The following TBCE variants were observed in gnomAD, a reference collection of about 807,000 sequenced individuals.
TBCE encodes the protein tubulin folding cofactor E, also known as tubulin-specific chaperone E.
Under a neutral mutation model 77.0 loss-of-function variants are expected in TBCE, and 53 were observed. That is an observed-to-expected ratio of 0.69 (90% CI 0.55 to 0.87). The LOEUF is 0.87. Ranked by LOEUF, TBCE falls within the 40% of genes least tolerant of loss-of-function variation. TBCE has a pLI of 0.00. For missense variants in TBCE, 624 were observed against 622.4 expected, an observed-to-expected ratio of 1.00 and a Z score of -0.03; for synonymous variants, 235 against 241.3, an observed-to-expected ratio of 0.97 and a Z score of 0.24.
intron 13 of TBCE, chr1:235,441,107 G>T (rs893339833): frequency 1.3e-5 from 2 of 152,720 alleles, no homozygotes; most frequent in Non-Finnish European, 2.9e-5. Flanking sequence ...TAAATCACTC[G>T]GGGGTGGGCA....
Position 235,438,552 on chromosome 1 carries a change from T to TAA in TBCE, c.1117-207_1117-206dup, listed in dbSNP as rs10667524. On this transcript the variant is annotated intron_variant, in intron 12 of 16. Transcript: ENST00000642610. ...GACACAGCGAGACTCCATCTCAAAT[T>TAA]AAAAAAAAAAAGAGTGTAAAACTGA... Among the ~76,000 whole-genome samples, 375 of 145,852 alleles carry TAA rather than the reference T, an allele frequency of 2.6e-3. 1 individual carries two copies. Among genetic ancestry groups the TAA allele is most frequent in the African/African-American group, 3.6e-3 (144 of 39,520 alleles).
intron 2 of TBCE, 39 bp from the exon 3 acceptor site, chr1:235,401,461 TATC>T (rs766289792): frequency 6.5e-7 from 1 of 1,543,958 alleles, no homozygotes; most frequent in East Asian, 2.2e-5. Flanking sequence ...GCATTGCCTG[TATC>T]ATCATCTGTT....
intron 8 of TBCE, 83 bp from the exon 9 acceptor site, chr1:235,435,662 C>T (rs1309808301): frequency 1.5e-6 from 2 of 1,356,578 alleles, no homozygotes. Context: ...CTCCATCGCA[C>T]CAAATGCAGG....
intron 11 of TBCE, 58 bp from the exon 12 acceptor site, chr1:235,437,261 ACTT>A (rs1681522395): frequency 6.2e-7 from 1 of 1,610,684 alleles, no homozygotes; most frequent in African/African-American, 1.3e-5. Flanking sequence ...GCTGGTTCAA[ACTT>A]CTGCAAAAGT....
At chr1:235,383,944 G>A (rs910776808) in intron 2 of TBCE, among the ~76,000 whole-genome samples, 1 of 152,116 alleles carries the variant, frequency 6.6e-6, no homozygotes, top group African/African-American at 2.4e-5. Flanking sequence ...TATGATATTG[G>A]CTGTGGGTTT....
rs1303866568 is a variant in TBCE at position 235,367,435 on chromosome 1, C to T, written c.-101C>T. On this transcript the variant is annotated 5_prime_UTR_variant, in exon 1 of 17. Transcript: ENST00000642610. ...TTCCTACAGCACTTCCGGCCAGAGC[C>T]TCAAGCTTCGCTGCTGGGCAGTTGG... 6.5e-6 allele frequency: 1 copy of T among 152,758 alleles called. No homozygotes were observed. The highest frequency in any genetic ancestry group is 1.5e-5 in the Non-Finnish European group (1 of 68,120). The allele number at this position is 152,758 out of a possible 1,614,324, so 9.5% of individuals were successfully genotyped here. A position where few individuals can be genotyped will look rare whatever the true frequency, so the allele number is the denominator to read the frequency against.
chr1:235,369,970 C>T (rs1377442170), intron 1 of TBCE, among the ~76,000 whole-genome samples: 1 of 152,160 alleles, frequency 6.6e-6, no homozygotes, highest in Non-Finnish European at 1.5e-5. Flanking sequence ...CAAGCGCATC[C>T]TAGCCTCAGG....
chr1:235,404,038 G>A (rs1201312535), intron 3 of TBCE, among the ~76,000 whole-genome samples: 3 of 152,174 alleles, frequency 2.0e-5, no homozygotes, highest in Non-Finnish European at 4.4e-5. Context: ...CAGCACTTTG[G>A]GAGGCCAAGG....
intron 4 of TBCE, among the ~76,000 whole-genome samples, chr1:235,416,399 G>C (rs1307605865): frequency 6.6e-6 from 1 of 151,858 alleles, no homozygotes; most frequent in Non-Finnish European, 1.5e-5. Flanking sequence ...AGTGGTGCGT[G>C]CCTATAGTCC....
intron 2 of TBCE, among the ~76,000 whole-genome samples, chr1:235,380,695 G>T (rs987125918): frequency 6.6e-6 from 1 of 151,678 alleles, no homozygotes; most frequent in Admixed American, 6.6e-5. Flanking sequence ...TTGTTTAATT[G>T]TTCCCCATTT....
In TBCE at chr1:235,371,729, A is replaced by G. The variant is rs1412221786; in HGVS notation, c.-32+4225A>G. Among the ~76,000 whole-genome samples the G allele has an allele frequency of 9.0e-5, 13 of 144,280 alleles. No homozygotes were observed. In the East Asian group the frequency reaches 2.8e-3, roughly 31 times the overall value. 94.7% of individuals were successfully genotyped at this position (144,280 alleles called of 152,430 possible). On this transcript the variant is annotated intron_variant, in intron 1 of 16. Transcript: ENST00000642610. ...CTCTTGTCACCCAGGCTGGAGTGCA[A>G]TGGCACGATCTCGGCTCACTACAAC...
At chr1:235,433,189 A>G (rs1248451944) in intron 7 of TBCE, 2 of 1,312,110 alleles carry the variant, frequency 1.5e-6, no homozygotes, top group Admixed American at 3.2e-5. Context: ...AGATGATTCC[A>G]TTCTCTAATT....
At chr1:235,378,128 A>G (rs1340809956) in intron 1 of TBCE, among the ~76,000 whole-genome samples, 1 of 152,212 alleles carries the variant, frequency 6.6e-6, no homozygotes, top group African/African-American at 2.4e-5. Context: ...TATATATGAT[A>G]ATATTAAAAT....
intron 15 of TBCE, 150 bp downstream of exon 15, chr1:235,443,061 C>A (rs1188487484): frequency 8.9e-6 from 7 of 786,904 alleles, no homozygotes; most frequent in Non-Finnish European, 1.5e-5. Flanking sequence ...AAAATACAAT[C>A]AATCATGCTA....
intron 1 of TBCE, among the ~76,000 whole-genome samples, chr1:235,379,729 G>A (rs1237558324): frequency 6.6e-6 from 1 of 151,888 alleles, no homozygotes; most frequent in African/African-American, 2.4e-5. Flanking sequence ...TTGGTGGATT[G>A]CTGGAGCTCA....
Position 235,450,570 on chromosome 1 carries a change from G to A in TBCE, c.*1808G>A, listed in dbSNP as rs2102963235. ...GAATACAGAAACAAGGCGGTGTGTG[G>A]ATGAAGAGTTAGTCAACAAATGCCA... On this transcript the variant is annotated 3_prime_UTR_variant, in exon 17 of 17. Coordinates refer to ENST00000642610, the MANE Select transcript of TBCE (RefSeq NM_003193.5). 2.0e-6 allele frequency: 1 copy of A among 490,894 alleles called. No homozygotes were observed. The highest frequency in any genetic ancestry group is 3.7e-6 in the Non-Finnish European group (1 of 272,448). 30.4% of individuals were successfully genotyped at this position (490,894 alleles called of 1,614,324 possible). A position where few individuals can be genotyped will look rare whatever the true frequency, so the allele number is the denominator to read the frequency against.
At chr1:235,371,347 C>T (rs1387706558) in intron 1 of TBCE, among the ~76,000 whole-genome samples, 2 of 150,804 alleles carry the variant, frequency 1.3e-5, no homozygotes, top group East Asian at 3.9e-4. Context: ...TGAGCCACCG[C>T]CCCCGGCCAC....
chr1:235,426,109 T>C (rs1441864233), intron 5 of TBCE, among the ~76,000 whole-genome samples: 4 of 152,074 alleles, frequency 2.6e-5, no homozygotes, highest in Non-Finnish European at 5.9e-5. Flanking sequence ...TAGATGAGAG[T>C]GTAGCTCCTC....
intron 3 of TBCE, among the ~76,000 whole-genome samples, chr1:235,406,866 C>T (rs1481679485): frequency 1.8e-5 from 2 of 112,822 alleles, no homozygotes; most frequent in South Asian, 3.1e-4. Context: ...CGGAGTTTCG[C>T]TCTTGTTGCC....
Sources: gnomAD v4.1 joint callset for allele counts (sites outside exome capture counted in the v4.1 genomes callset) on GRCh38, gnomAD v4.1.1 for gene constraint, MANE v1.5 for transcripts, NCBI Gene and HGNC (gene_info 2026-07-23, HGNC 2026-07-21) for gene names.